PAIP2B: variants seen among roughly 807,000 people sequenced by gnomAD.
PAIP2B encodes polyadenylate-binding protein-interacting protein 2B.
In PAIP2B, 13 loss-of-function variants were observed where a neutral mutation model predicts 17.0. That is an observed-to-expected ratio of 0.76 (90% CI 0.50 to 1.22). PAIP2B has a LOEUF of 1.22. Ranked by LOEUF, PAIP2B falls within the 50% of genes most tolerant of loss-of-function variation. PAIP2B has a pLI of 0.00. For synonymous variants in PAIP2B, 43 were observed against 48.7 expected, an observed-to-expected ratio of 0.88 and a Z score of 0.48; for missense variants, 117 against 144.5, an observed-to-expected ratio of 0.81 and a Z score of 0.98.
At chr2:71,219,976 T>C (rs1300872024) in intron 1 of PAIP2B, among the ~76,000 whole-genome samples, 1 of 152,244 alleles carries the variant, frequency 6.6e-6, no homozygotes, top group African/African-American at 2.4e-5. Context: ...ACACAATATC[T>C]AGTTCTTCCA....
chr2:71,189,486 G>A (rs994367791), intron 3 of PAIP2B, among the ~76,000 whole-genome samples: 1 of 152,226 alleles, frequency 6.6e-6, no homozygotes, highest in Admixed American at 6.5e-5. Flanking sequence ...TTGAGGGACA[G>A]TAAAAGAGAA....
chr2:71,209,108 C>A (rs560503061), intron 1 of PAIP2B, among the ~76,000 whole-genome samples: 3 of 152,236 alleles, frequency 2.0e-5, no homozygotes, highest in Admixed American at 2.0e-4. Flanking sequence ...GAATTCAGGA[C>A]CATGGAGTCT....
intron 1 of PAIP2B, 103 bp from the exon 2 acceptor site, chr2:71,202,703 A>T: frequency 1.9e-6 from 2 of 1,037,488 alleles, no homozygotes; most frequent in South Asian, 1.7e-5. Flanking sequence ...ATTCTAAGTC[A>T]AAGATTTTAA....
At chr2:71,212,720 CTGAGA>C (rs1021585064) in intron 1 of PAIP2B, among the ~76,000 whole-genome samples, 34 of 152,168 alleles carry the variant, frequency 2.2e-4, no homozygotes, top group African/African-American at 8.2e-4. Flanking sequence ...TCCCAAAGTG[CTGAGA>C]TAACAGGCAT....
chr2:71,207,271 T>C (rs1200372979), intron 1 of PAIP2B, among the ~76,000 whole-genome samples: 2 of 152,140 alleles, frequency 1.3e-5, no homozygotes, highest in Non-Finnish European at 2.9e-5. Flanking sequence ...CTAAAGAATG[T>C]AAGCTTACTA....
chr2:71,202,317 C>G, intron 2 of PAIP2B, 135 bp downstream of exon 2: 1 of 1,100,190 alleles, frequency 9.1e-7, no homozygotes, highest in Non-Finnish European at 1.3e-6. Context: ...CCAGATGAGG[C>G]CCCCCACCAA....
At chr2:71,212,902 C>T (rs1188913623) in intron 1 of PAIP2B, among the ~76,000 whole-genome samples, 1 of 151,258 alleles carries the variant, frequency 6.6e-6, no homozygotes, top group Non-Finnish European at 1.5e-5. Context: ...TACAGGTGTA[C>T]ACCACCAGGC....
chr2:71,203,867 T>C (rs1675054703), intron 1 of PAIP2B, among the ~76,000 whole-genome samples: 1 of 152,082 alleles, frequency 6.6e-6, no homozygotes, highest in East Asian at 1.9e-4. Flanking sequence ...CTTCGTAAAA[T>C]TGTATGTACA....
chr2:71,201,008 GGTGTGTGTGTGT>G (rs70959217), intron 2 of PAIP2B, among the ~76,000 whole-genome samples: 2,251 of 32,348 alleles, frequency 0.07, 51 homozygotes, highest in African/African-American at 0.14. Context: ...TGTGTGTGTG[GGTGTGTGTGTGT>G]GTGTGTGTGT....
At chr2:71,215,500 A>T (rs900077730) in intron 1 of PAIP2B, among the ~76,000 whole-genome samples, 1 of 151,976 alleles carries the variant, frequency 6.6e-6, no homozygotes, top group Non-Finnish European at 1.5e-5. Context: ...CTTCACTCAA[A>T]CTCTTCTCTG....
At chr2:71,217,895 T>C (rs991480830) in intron 1 of PAIP2B, among the ~76,000 whole-genome samples, 6 of 152,092 alleles carry the variant, frequency 3.9e-5, no homozygotes, top group Non-Finnish European at 8.8e-5. Context: ...AGCGAATTCT[T>C]ATCTCTACAA....
chr2:71,209,888 G>C (rs948510123), intron 1 of PAIP2B, among the ~76,000 whole-genome samples: 1 of 151,582 alleles, frequency 6.6e-6, no homozygotes, highest in South Asian at 2.1e-4. Flanking sequence ...ACAGTGGCGC[G>C]ATCTCAGCTC....
intron 1 of PAIP2B, among the ~76,000 whole-genome samples, chr2:71,218,894 G>A (rs1211538151): frequency 1.3e-5 from 2 of 150,716 alleles, no homozygotes; most frequent in Admixed American, 6.6e-5. Flanking sequence ...TTGAGTGGCA[G>A]AATTAAAGGT....
intron 1 of PAIP2B, among the ~76,000 whole-genome samples, chr2:71,219,385 C>T (rs1675520343): frequency 6.6e-6 from 1 of 152,008 alleles, no homozygotes; most frequent in African/African-American, 2.4e-5. Flanking sequence ...GAGCTTGACT[C>T]CTTGCCTCTT....
intron 2 of PAIP2B, among the ~76,000 whole-genome samples, chr2:71,190,722 T>C (rs984138648): frequency 1.5e-4 from 23 of 152,202 alleles, no homozygotes; most frequent in African/African-American, 5.1e-4. Context: ...AAATTTCCCA[T>C]TTTATAAGAA....
chr2:71,216,442 T>A (rs776313908), intron 1 of PAIP2B, among the ~76,000 whole-genome samples: 1 of 152,202 alleles, frequency 6.6e-6, no homozygotes, highest in Non-Finnish European at 1.5e-5. Flanking sequence ...TCACTGTGTA[T>A]TGCTTGTAAC....
rs139115323 is a variant in PAIP2B, at chr2:71,223,157, A to C, written c.-12+3771T>G. ...GCTGGATGCAGAGGCTCACGCCTGT[A>C]ATCCCAGCACTCGGGGAGGCCAAGA... is the stretch of plus-strand genomic sequence containing the variant. On this transcript the variant is annotated intron_variant, in intron 1 of 3. Coordinates refer to ENST00000244221, the MANE Select transcript of PAIP2B (RefSeq NM_020459.1). 2.1e-4 allele frequency among the ~76,000 whole-genome samples: 32 copies of C among 152,306 alleles called. 1 individual carries two copies. In the East Asian group the frequency reaches 6.2e-3, roughly 30 times the overall value.
chr2:71,192,810 TACC>T (rs1674721666), intron 2 of PAIP2B, among the ~76,000 whole-genome samples: 1 of 152,264 alleles, frequency 6.6e-6, no homozygotes, highest in Non-Finnish European at 1.5e-5. Context: ...GGTGTATATG[TACC>T]ACATTTTCTT....
intron 2 of PAIP2B, among the ~76,000 whole-genome samples, chr2:71,196,954 T>C (rs986163173): frequency 6.6e-6 from 1 of 152,208 alleles, no homozygotes; most frequent in Non-Finnish European, 1.5e-5. Context: ...TATTGGGTCT[T>C]GCTTTTTTAC....
Sources: gnomAD v4.1 joint callset for allele counts (sites outside exome capture counted in the v4.1 genomes callset) on GRCh38, gnomAD v4.1.1 for gene constraint, MANE v1.5 for transcripts, NCBI Gene and HGNC (gene_info 2026-07-23, HGNC 2026-07-21) for gene names.